The following MACF1 variants were observed in gnomAD, a reference collection of about 807,000 sequenced individuals.
The protein encoded by MACF1 is microtubule actin crosslinking factor 1, also known as microtubule-actin cross-linking factor 1.
Under a neutral mutation model 854.8 loss-of-function variants are expected in MACF1, and 193 were observed. The ratio of observed to expected loss-of-function variants is 0.23; its 90% confidence interval spans 0.20 to 0.25. The LOEUF (loss-of-function observed/expected upper bound fraction) is 0.25, where lower values mean the gene tolerates loss of function less well. Ranked by LOEUF, MACF1 falls within the 10% of genes least tolerant of loss-of-function variation. The probability of loss-of-function intolerance (pLI) is 1.00; values close to 1 mark genes in which losing one functional copy is unlikely to be tolerated. For synonymous variants in MACF1, 3,185 were observed against 3,226.7 expected (o/e 0.99, Z 0.44); for missense variants, 7,722 against 8,929.1 (o/e 0.86, Z 5.45).
At chr1:39,165,102 G>T (rs1040409097) in intron 2 of MACF1, among the ~76,000 whole-genome samples, 5 of 152,218 alleles carry the variant, frequency 3.3e-5, no homozygotes, top group Admixed American at 2.6e-4. Flanking sequence ...GTAGGACTTT[G>T]TGTGTAGGGG....
chr1:39,461,140 A>G (rs1183247455), intron 92 of MACF1, among the ~76,000 whole-genome samples: 1 of 152,008 alleles, frequency 6.6e-6, no homozygotes, highest in Non-Finnish European at 1.5e-5. Flanking sequence ...GGGAAACAAT[A>G]TGATTTGGTC....
At chr1:39,389,585 C>A (rs1641953672) in intron 58 of MACF1, among the ~76,000 whole-genome samples, 1 of 151,962 alleles carries the variant, frequency 6.6e-6, no homozygotes, top group Non-Finnish European at 1.5e-5. Context: ...GTCTCGATCT[C>A]CTGACCTCAA....
At chr1:39,274,452 T>A (rs1645393928) in intron 6 of MACF1, among the ~76,000 whole-genome samples, 1 of 152,224 alleles carries the variant, frequency 6.6e-6, no homozygotes, top group South Asian at 2.1e-4. Context: ...GACTTCATTA[T>A]TCCCTAAACA....
At chr1:39,182,326 A>C (rs1308376872) in intron 2 of MACF1, among the ~76,000 whole-genome samples, 1 of 152,212 alleles carries the variant, frequency 6.6e-6, no homozygotes, top group East Asian at 1.9e-4. Context: ...CTAACACTGA[A>C]AGTATACACA....
At chr1:39,123,678 T>C (rs759693738) in intron 2 of MACF1, among the ~76,000 whole-genome samples, 2 of 149,476 alleles carry the variant, frequency 1.3e-5, no homozygotes, top group Non-Finnish European at 3.0e-5. Flanking sequence ...TAGCTGGGAC[T>C]ACAGGCTCGT....
chr1:39,333,518 A>G lies in MACF1; in HGVS notation c.6930A>G (p.Glu2310=), dbSNP rs759479427. ...EQTGQKLLLN[E]AISRGIVPSH... ...CAGGTCAAAAGCTCTTACTAAATGA[A>G]GCAATATCCCGAGGCATTGTGCCAA... The change falls in exon 37 of 101, where the codon GAA becomes GAG. Residue 2310 remains glutamate (E), a synonymous_variant. Transcript: ENST00000564288. 6 of 1,614,192 alleles carry G rather than the reference A, an allele frequency of 3.7e-6. No individual in the cohort carries two copies. Among genetic ancestry groups the G allele is most frequent in the Non-Finnish European group, 5.1e-6 (6 of 1,180,026 alleles).
intron 2 of MACF1, among the ~76,000 whole-genome samples, chr1:39,108,762 G>A (rs1212674094): frequency 3.3e-5 from 5 of 152,176 alleles, no homozygotes; most frequent in Non-Finnish European, 1.5e-5. Flanking sequence ...AGCACACTTG[G>A]TTGATGGTGG....
chr1:39,362,900 C>A (rs560043727), intron 49 of MACF1, among the ~76,000 whole-genome samples: 1 of 152,318 alleles, frequency 6.6e-6, no homozygotes, highest in South Asian at 2.1e-4. Flanking sequence ...AGGAATCTTC[C>A]TCCTTTCCAC....
chr1:39,088,373 G>T (rs1641728874), intron 2 of MACF1, among the ~76,000 whole-genome samples: 1 of 152,232 alleles, frequency 6.6e-6, no homozygotes, highest in African/African-American at 2.4e-5. Context: ...ACAGGCGTGA[G>T]CCACCGCACC....
At chr1:39,217,930 T>TTCC (rs1328947846) in intron 1 of MACF1, among the ~76,000 whole-genome samples, 2 of 148,154 alleles carry the variant, frequency 1.3e-5, no homozygotes, top group Admixed American at 1.3e-4. Context: ...ATGCCTGTAA[T>TTCC]CCCAGCACTT....
At position 39,297,808 on chromosome 1, in the gene MACF1, G is replaced by T. The variant is rs1020889694; in HGVS notation, c.2481+63G>T. The T allele has an allele frequency of 4.4e-6, 7 of 1,588,626 alleles. No individual in the cohort carries two copies. The Admixed American group carries it at 1.0e-4, about 23-fold the overall frequency. Reference sequence around the variant, plus strand: ...AAGAGAGTAAACCATATCAGCTGCTGCTGTTTATATCCTTGAAAGCTCCAG... The same window carrying T: ...AAGAGAGTAAACCATATCAGCTGCTTCTGTTTATATCCTTGAAAGCTCCAG... On this transcript the variant is annotated intron_variant, in intron 21 of 100. Transcript: ENST00000564288.
At chr1:39,276,841 G>A (rs937198915) in intron 6 of MACF1, among the ~76,000 whole-genome samples, 4 of 152,030 alleles carry the variant, frequency 2.6e-5, no homozygotes, top group Non-Finnish European at 5.9e-5. Flanking sequence ...AGCATTTCTT[G>A]TTATTAGGCT....
At position 39,385,398 on chromosome 1, in the gene MACF1, T is replaced by G. The variant is rs746944325; in HGVS notation, c.13849-36T>G. On this transcript the variant is annotated intron_variant, in intron 56 of 100. Transcript: ENST00000564288. ...CTGCTTTTAGATAGATCTGTTTTTT[T>G]CCTGTCTAAACATCTTGGTGTCATT... 2.5e-6 allele frequency: 4 copies of G among 1,601,628 alleles called. No homozygotes were observed. In the Admixed American group the frequency reaches 6.8e-5, roughly 27 times the overall value.
intron 2 of MACF1, among the ~76,000 whole-genome samples, chr1:39,152,109 G>A (rs575786036): frequency 6.6e-6 from 1 of 152,074 alleles, no homozygotes; most frequent in African/African-American, 2.4e-5. Context: ...CAAGTAGCTG[G>A]GATTACAGAT....
chr1:39,468,895 A>G (rs576617389), intron 96 of MACF1, among the ~76,000 whole-genome samples, 163 bp downstream of exon 96: 1 of 152,338 alleles, frequency 6.6e-6, no homozygotes, highest in South Asian at 2.1e-4. Context: ...GGGTGCCAGC[A>G]TAGGCCAGGG....
chr1:39,251,117 G>C (rs1222087224), intron 3 of MACF1, among the ~76,000 whole-genome samples: 4 of 152,132 alleles, frequency 2.6e-5, no homozygotes, highest in Admixed American at 2.6e-4. Context: ...GTGATATTCA[G>C]CTCCTTCTAG....
At chr1:39,346,492 G>A (rs1647050242) in intron 40 of MACF1, among the ~76,000 whole-genome samples, 1 of 151,956 alleles carries the variant, frequency 6.6e-6, no homozygotes, top group Admixed American at 6.5e-5. Context: ...AATTTATGAG[G>A]AGTTTGGAGA....
intron 59 of MACF1, 41 bp from the exon 60 acceptor site, chr1:39,422,689 T>G (rs770975975): frequency 1.5e-5 from 24 of 1,592,140 alleles, no homozygotes; most frequent in Non-Finnish European, 1.9e-5. Context: ...TGAAAACTAC[T>G]TTCTCCGTTC....
rs536080844 is a variant in MACF1 at position 39,295,304 on chromosome 1, A to G, written c.2259+154A>G. Among the ~76,000 whole-genome samples the G allele has an allele frequency of 2.6e-4, 39 of 152,332 alleles. 1 individual carries two copies. Among genetic ancestry groups the G allele is most frequent in the South Asian group, 1.7e-3 (8 of 4,826 alleles). ...TCTCTTTTCATTCCTGACTGTTCCT[A>G]TGTCCCTCAAAAGCCTGCAAACATT... On this transcript the variant is annotated intron_variant, in intron 19 of 100. Coordinates refer to ENST00000564288, the MANE Select transcript of MACF1 (RefSeq NM_001394062.1).
Sources: allele counts gnomAD v4.1 joint callset (sites outside exome capture counted in the v4.1 genomes callset), GRCh38; gene constraint gnomAD v4.1.1; transcripts MANE v1.5; gene names NCBI Gene and HGNC (gene_info 2026-07-23, HGNC 2026-07-21).